The following ARID4A variants were observed in gnomAD, a reference collection of about 807,000 sequenced individuals.
The protein encoded by ARID4A is AT-rich interaction domain 4A, also known as AT-rich interactive domain-containing protein 4A.
A neutral mutation model predicts 148.6 loss-of-function variants in ARID4A; 39 were observed. The ratio of observed to expected loss-of-function variants is 0.26; its 90% CI spans 0.20 to 0.34. The LOEUF is 0.34. ARID4A is among the 10% of genes least tolerant of loss of function. ARID4A has a pLI of 1.00. For synonymous variants in ARID4A, 475 were observed against 481.2 expected, an observed-to-expected ratio of 0.99 and a Z score of 0.17; for missense variants, 1,265 against 1,449.1, an observed-to-expected ratio of 0.87 and a Z score of 2.06.
intron 5 of ARID4A, among the ~76,000 whole-genome samples, chr14:58,308,035 C>T (rs1426477949): frequency 1.3e-5 from 2 of 152,138 alleles, no homozygotes; most frequent in Non-Finnish European, 2.9e-5. Context: ...TGCGCATGCT[C>T]TATAGAAGGA....
At chr14:58,315,641 A>C (rs1339305190) in intron 5 of ARID4A, among the ~76,000 whole-genome samples, 2 of 151,532 alleles carry the variant, frequency 1.3e-5, no homozygotes, top group Non-Finnish European at 2.9e-5. Context: ...ACTAATACTA[A>C]CAAGAATTAT....
intron 5 of ARID4A, among the ~76,000 whole-genome samples, chr14:58,306,907 T>C (rs547726674): frequency 2.8e-4 from 42 of 152,304 alleles, no homozygotes; most frequent in African/African-American, 9.1e-4. Context: ...AAGAAAAATA[T>C]AGATGCTCCT....
intron 17 of ARID4A, among the ~76,000 whole-genome samples, chr14:58,355,988 C>T (rs912838227): frequency 2.6e-5 from 4 of 152,160 alleles, no homozygotes; most frequent in Middle Eastern, 3.4e-3. Context: ...CATGGTTTTT[C>T]GTTGTTCTTC....
At chr14:58,358,779 T>C (rs775914984) in intron 17 of ARID4A, among the ~76,000 whole-genome samples, 4 of 152,218 alleles carry the variant, frequency 2.6e-5, no homozygotes, top group African/African-American at 9.6e-5. Flanking sequence ...ATTCATTCAA[T>C]AGCACGAATT....
chr14:58,318,299 G>C (rs1438675146), intron 5 of ARID4A, among the ~76,000 whole-genome samples: 4 of 152,108 alleles, frequency 2.6e-5, no homozygotes, highest in Admixed American at 6.5e-5. Context: ...TGTAGTGATA[G>C]AAATCAAAAA....
At position 58,306,097 on chromosome 14, in the gene ARID4A, A is replaced by G; in HGVS notation, c.259A>G (p.Ser87Gly). The change falls in exon 5 of 24, where the codon AGT (serine) becomes GGT (glycine). Residue 87 changes from serine to glycine, a missense_variant. Around this residue, in one of 9 missense-constraint regions of ARID4A, gnomAD observed 21 missense variants for 36.5 expected, o/e 0.58. Coordinates refer to ENST00000355431, the MANE Select transcript of ARID4A (RefSeq NM_002892.4). ...TATTATCAGCAAGTTGACAGATGCTAGTTGGTATACCGTGGGTAAGTAATT... is the reference window on the plus strand; with the variant it reads ...TATTATCAGCAAGTTGACAGATGCTGGTTGGTATACCGTGGGTAAGTAATT... The part of the protein sequence containing the change: ...EAIISKLTDA[S>G]WYTVVFDDGD... The G allele has an allele frequency of 6.2e-7, 1 of 1,613,008 alleles. No individual in the cohort carries two copies. The highest frequency in any genetic ancestry group is 8.5e-7 in the Non-Finnish European group (1 of 1,179,136).
intron 3 of ARID4A, among the ~76,000 whole-genome samples, chr14:58,302,668 T>G (rs1392222321): frequency 6.6e-6 from 1 of 151,948 alleles, no homozygotes; most frequent in African/African-American, 2.4e-5. Context: ...TATATGTATA[T>G]TTTTGGCTGT....
chr14:58,319,445 TTTAC>T (rs990758310), intron 7 of ARID4A, among the ~76,000 whole-genome samples: 65 of 151,900 alleles, frequency 4.3e-4, no homozygotes, highest in African/African-American at 1.5e-3. Context: ...TTTTTTATCT[TTTAC>T]TTCAAAAACA....
chr14:58,320,859 G>A (rs567286268), intron 7 of ARID4A, among the ~76,000 whole-genome samples: 5 of 151,732 alleles, frequency 3.3e-5, no homozygotes, highest in African/African-American at 4.8e-5. Flanking sequence ...TGCCCGCCTC[G>A]GCCTCCCAAA....
At position 58,323,712 on chromosome 14, in the gene ARID4A, A is replaced by G. The variant is rs1349112974; in HGVS notation, c.582+95A>G. ...CATTTAAAATATTTTGAAAGTATTA[A>G]ACAAATTTGGACTTTATTGGAGATT... On this transcript the variant is annotated intron_variant, in intron 8 of 23. Transcript: ENST00000355431. The G allele has an allele frequency of 7.7e-6, 9 of 1,175,584 alleles. No homozygotes were observed. In the Admixed American group the frequency reaches 1.5e-4, roughly 20 times the overall value. 72.8% of individuals were successfully genotyped at this position (1,175,584 alleles called of 1,614,324 possible).
At chr14:58,333,815 G>A (rs2033657703) in intron 11 of ARID4A, among the ~76,000 whole-genome samples, 1 of 151,952 alleles carries the variant, frequency 6.6e-6, no homozygotes, top group Non-Finnish European at 1.5e-5. Flanking sequence ...AGTAAATGCT[G>A]GATAACTTAG....
At chr14:58,319,905 C>G (rs571428535) in intron 7 of ARID4A, among the ~76,000 whole-genome samples, 1 of 148,198 alleles carries the variant, frequency 6.7e-6, no homozygotes, top group Non-Finnish European at 1.5e-5. Flanking sequence ...CACACATTTG[C>G]TTTACGATTC....
At chr14:58,357,614 GTTT>G (rs11424644) in intron 17 of ARID4A, among the ~76,000 whole-genome samples, 1 of 134,200 alleles carries the variant, frequency 7.5e-6, no homozygotes, top group Non-Finnish European at 1.6e-5. Flanking sequence ...TTTTTGCATG[GTTT>G]TTTTTTTTTT....
chr14:58,349,947 A>T (rs1444637792), intron 15 of ARID4A, among the ~76,000 whole-genome samples: 1 of 151,644 alleles, frequency 6.6e-6, no homozygotes, highest in Non-Finnish European at 1.5e-5. Context: ...TGTCTCTACT[A>T]AAAATACAAA....
chr14:58,368,354 T>A (rs2035449900), intron 23 of ARID4A, among the ~76,000 whole-genome samples: 2 of 152,176 alleles, frequency 1.3e-5, no homozygotes, highest in South Asian at 4.1e-4. Flanking sequence ...AATTACCTAC[T>A]ATTTGGATGT....
chr14:58,304,395 T>C (rs1184155955), intron 3 of ARID4A, among the ~76,000 whole-genome samples: 1 of 152,180 alleles, frequency 6.6e-6, no homozygotes, highest in Admixed American at 6.5e-5. Flanking sequence ...TTGGACCATC[T>C]ATTATTTGGA....
At chr14:58,362,500 G>C (rs938646496) in intron 19 of ARID4A, among the ~76,000 whole-genome samples, 1 of 152,054 alleles carries the variant, frequency 6.6e-6, no homozygotes, top group South Asian at 2.1e-4. Context: ...TGAGGTGGGA[G>C]GATTGCTTGA....
intron 11 of ARID4A, among the ~76,000 whole-genome samples, chr14:58,337,734 G>GT (rs1680432105): frequency 6.6e-6 from 1 of 152,162 alleles, no homozygotes; most frequent in African/African-American, 2.4e-5. Flanking sequence ...AAGTTATTGA[G>GT]TAACAATGCT....
chr14:58,312,938 C>T (rs2032152064), intron 5 of ARID4A, among the ~76,000 whole-genome samples: 1 of 152,170 alleles, frequency 6.6e-6, no homozygotes, highest in Non-Finnish European at 1.5e-5. Context: ...TACTATCTTT[C>T]AGTATCAGTG....
Sources: gnomAD v4.1 joint callset for allele counts (sites outside exome capture counted in the v4.1 genomes callset) on GRCh38, gnomAD v4.1.1 for gene constraint, gnomAD v4.1.1 regional missense constraint, MANE v1.5 for transcripts, NCBI Gene and HGNC (gene_info 2026-07-23, HGNC 2026-07-21) for gene names.